Variants in INO80 observed in about 807,000 individuals in gnomAD.
INO80 encodes chromatin-remodeling ATPase INO80.
Under a neutral mutation model 203.4 loss-of-function variants are expected in INO80, and 20 were observed. That is an observed-to-expected ratio of 0.10 (90% CI 0.07 to 0.14). The LOEUF (loss-of-function observed/expected upper bound fraction) is 0.14, where lower values mean the gene tolerates loss of function less well. Among genes scored for constraint, INO80 ranks in the 10% least tolerant of loss-of-function variants. INO80 has a pLI of 1.00. For missense variants in INO80, 1,419 were observed against 1,914.4 expected, an observed-to-expected ratio of 0.74 and a Z score of 4.83; for synonymous variants, 726 against 685.2, an observed-to-expected ratio of 1.06 and a Z score of -0.93.
intron 28 of INO80, among the ~76,000 whole-genome samples, chr15:41,001,917 A>C (rs532245285): frequency 6.6e-6 from 1 of 152,304 alleles, no homozygotes; most frequent in African/African-American, 2.4e-5. Context: ...TTGTGTCCAA[A>C]AACACCTGTC....
intron 1 of INO80, among the ~76,000 whole-genome samples, chr15:41,112,999 T>A (rs1053084760): frequency 6.6e-6 from 1 of 151,424 alleles, no homozygotes; most frequent in Admixed American, 6.6e-5. Context: ...CACTGCAATC[T>A]CTGCCTCCTG....
intron 1 of INO80, among the ~76,000 whole-genome samples, chr15:41,109,349 G>T (rs917888540): frequency 2.0e-5 from 3 of 151,934 alleles, no homozygotes; most frequent in African/African-American, 7.3e-5. Flanking sequence ...AGCTACTGGG[G>T]AGGCTGAGGC....
At chr15:40,981,579 C>T (rs1893832305) in intron 35 of INO80, among the ~76,000 whole-genome samples, 1 of 152,210 alleles carries the variant, frequency 6.6e-6, no homozygotes, top group African/African-American at 2.4e-5. Context: ...GCAATTACTA[C>T]ACTCCAAGCA....
At chr15:40,997,458 A>C in intron 29 of INO80, 71 bp downstream of exon 29, 1 of 997,718 alleles carries the variant, frequency 1.0e-6, no homozygotes, top group East Asian at 2.4e-5. Context: ...ATGCCATATT[A>C]GAAAAACCTA....
chr15:41,065,299 G>A (rs1340576327), intron 14 of INO80, among the ~76,000 whole-genome samples: 1 of 151,836 alleles, frequency 6.6e-6, no homozygotes, highest in Non-Finnish European at 1.5e-5. Flanking sequence ...TTAGCTGGGT[G>A]TGGTGGTACA....
At chr15:41,113,488 G>A (rs932550528) in intron 1 of INO80, among the ~76,000 whole-genome samples, 9 of 151,766 alleles carry the variant, frequency 5.9e-5, no homozygotes, top group African/African-American at 2.2e-4. Context: ...GGCTGGTTTC[G>A]AACTCCTGAC....
chr15:41,059,849 G>C lies in INO80; in HGVS notation c.1842+18C>G, dbSNP rs2045071370. 2 of 1,567,140 alleles carry C rather than the reference G, an allele frequency of 1.3e-6. No homozygotes were observed. The highest frequency in any genetic ancestry group is 1.7e-5 in the Admixed American group (1 of 58,740). On this transcript the variant is annotated intron_variant, in intron 15 of 35. Coordinates refer to ENST00000648947, the MANE Select transcript of INO80 (RefSeq NM_017553.3). Reference sequence around the variant, plus strand: ...TGCATGTACGGTACGTATGTATGCAGTTTAAGTAGAATGTTACCTGACTCC... The same window carrying C: ...TGCATGTACGGTACGTATGTATGCACTTTAAGTAGAATGTTACCTGACTCC...
chr15:40,981,550 G>A (rs1489452502), intron 35 of INO80, among the ~76,000 whole-genome samples: 1 of 152,180 alleles, frequency 6.6e-6, no homozygotes, highest in Non-Finnish European at 1.5e-5. Context: ...GAAAAGGCAA[G>A]TAAACTAACA....
chr15:41,085,347 T>A (rs775983310), intron 7 of INO80, 22 bp downstream of exon 7: 1 of 1,599,266 alleles, frequency 6.3e-7, no homozygotes, highest in African/African-American at 1.3e-5. Flanking sequence ...CTAATTTCCA[T>A]CTCCTGGAGG....
At chr15:41,033,287 T>A (rs1247492298) in intron 24 of INO80, among the ~76,000 whole-genome samples, 2 of 152,120 alleles carry the variant, frequency 1.3e-5, no homozygotes, top group African/African-American at 4.8e-5. Flanking sequence ...GTCTTTATTC[T>A]TCTAAGCAAA....
At chr15:41,001,754 A>G (rs1011616937) in intron 28 of INO80, among the ~76,000 whole-genome samples, 1 of 152,232 alleles carries the variant, frequency 6.6e-6, no homozygotes, top group Non-Finnish European at 1.5e-5. Context: ...TCCTTCATAA[A>G]TAAATCTTGT....
chr15:41,073,048 G>C (rs2045348847), intron 11 of INO80, among the ~76,000 whole-genome samples: 1 of 152,002 alleles, frequency 6.6e-6, no homozygotes, highest in Non-Finnish European at 1.5e-5. Context: ...CAAAGTGCTA[G>C]GATTACAGGA....
intron 29 of INO80, among the ~76,000 whole-genome samples, chr15:40,988,218 T>C (rs2140415004): frequency 6.6e-6 from 1 of 152,296 alleles, no homozygotes; most frequent in South Asian, 2.1e-4. Flanking sequence ...GCAATAATAT[T>C]AATAGTTAAA....
At chr15:41,083,884 C>T (rs958438686) in intron 7 of INO80, among the ~76,000 whole-genome samples, 3 of 152,112 alleles carry the variant, frequency 2.0e-5, no homozygotes, top group African/African-American at 7.2e-5. Flanking sequence ...TTCTACTCAT[C>T]TATTTGCCTA....
In INO80 at chr15:40,980,561, C is replaced by T. The variant is rs967728863; in HGVS notation, c.4454-121G>A. 118 of 682,430 alleles carry T rather than the reference C, an allele frequency of 1.7e-4. 1 individual carries two copies. The Admixed American group carries it at 2.8e-3, about 16-fold the overall frequency. The allele number at this position is 682,430 out of a possible 1,614,324, so 42.3% of individuals were successfully genotyped here. On this transcript the variant is annotated intron_variant, in intron 35 of 35. Coordinates refer to ENST00000648947, the MANE Select transcript of INO80 (RefSeq NM_017553.3). The stretch of plus-strand genomic sequence containing the variant: ...GAAGTGGTGGGCAATTCCTCCCTGC[C>T]ACTCCTTGCTAACAACTTCTTGGCA...
chr15:41,020,912 T>C lies in INO80; in HGVS notation c.3262A>G (p.Ile1088Val), dbSNP rs778117261. 5 of 1,610,604 alleles carry C rather than the reference T, an allele frequency of 3.1e-6. No individual in the cohort carries two copies. The Admixed American group carries it at 6.7e-5, about 21-fold the overall frequency. Residue 1088 changes from isoleucine to valine, a missense_variant, in exon 26 of 36, where the codon ATC becomes GTC. By Grantham distance (29) the Ile-to-Val change is conservative. Around this residue, in one of 9 missense-constraint regions of INO80, gnomAD observed 302 missense variants for 345.4 expected, o/e 0.87. Coordinates refer to ENST00000648947, the MANE Select transcript of INO80 (RefSeq NM_017553.3). ...ATTGAGAACTCACCTGGAATCCTGA[T>C]GAAAGACCAGCCATTCTGAGGTCTG... ...SIRPQNGWSF[I>V]RIPGKESLIT... is the part of the protein sequence containing the mutation.
chr15:41,068,050 A>C (rs1266895242), intron 14 of INO80, among the ~76,000 whole-genome samples: 1 of 152,224 alleles, frequency 6.6e-6, no homozygotes, highest in African/African-American at 2.4e-5. Flanking sequence ...CCTCTGAATT[A>C]ATTAAATCGA....
rs1034274860 is a variant in INO80, at chr15:40,989,439, G to C, written c.3571-1465C>G. ...CAACATGGCGGACCAGTTCAAAATG[G>C]CCCTCATATCTCATGTGTTGTCCTT... On this transcript the variant is annotated intron_variant, in intron 29 of 35. Transcript: ENST00000648947. Among the ~76,000 whole-genome samples the C allele has an allele frequency of 2.6e-5, 4 of 152,128 alleles. 1 individual carries two copies. Among genetic ancestry groups the C allele is most frequent in the African/African-American group, 9.7e-5 (4 of 41,414 alleles).
At chr15:41,021,251 G>C in intron 25 of INO80, 126 bp from the exon 26 acceptor site, 1 of 647,248 alleles carries the variant, frequency 1.5e-6, no homozygotes, top group East Asian at 2.7e-5. Flanking sequence ...TTAAATATCT[G>C]TTCTGGCACA....
Sources: gnomAD v4.1 joint callset for allele counts (sites outside exome capture counted in the v4.1 genomes callset) on GRCh38, gnomAD v4.1.1 for gene constraint, gnomAD v4.1.1 regional missense constraint, MANE v1.5 for transcripts, NCBI Gene and HGNC (gene_info 2026-07-23, HGNC 2026-07-21) for gene names.